Variants in DLG5 observed in about 807,000 individuals in gnomAD.
The protein encoded by DLG5 is disks large homolog 5.
Under a neutral mutation model 189.8 loss-of-function variants are expected in DLG5, and 48 were observed. The observed-to-expected ratio is 0.25, with a 90% CI of 0.20 to 0.32. The LOEUF (loss-of-function observed/expected upper bound fraction) is 0.32, where lower values mean the gene tolerates loss of function less well. Ranked by LOEUF, DLG5 falls within the 10% of genes least tolerant of loss-of-function variation. The pLI is 1.00. For missense variants in DLG5, 2,160 were observed against 2,544.7 expected, an observed-to-expected ratio of 0.85 and a Z score of 3.25; for synonymous variants, 1,016 against 1,054.1, an observed-to-expected ratio of 0.96 and a Z score of 0.70.
chr10:77,909,144 C>T (rs1846146676), intron 1 of DLG5, among the ~76,000 whole-genome samples: 1 of 152,150 alleles, frequency 6.6e-6, no homozygotes, highest in African/African-American at 2.4e-5. Context: ...GACAGATAAA[C>T]TCTTGTCAGA....
Position 77,807,955 on chromosome 10 carries a change from T to TG in DLG5, c.4648-12dup. On this transcript the variant is annotated splice_polypyrimidine_tract_variant and intron_variant, in intron 24 of 31. Transcript: ENST00000372391. ...GTCCAGGCTGCCATACTGCCAGGGA[T>TG]GGGGGTGGATGCATCAGAAGGCAGA... 6.2e-7 allele frequency: 1 copy of TG among 1,613,840 alleles called. No homozygotes were observed. Among genetic ancestry groups the TG allele is most frequent in the South Asian group, 1.1e-5 (1 of 91,050 alleles).
intron 13 of DLG5, among the ~76,000 whole-genome samples, chr10:77,826,129 GACCCAGCAA>G (rs1011910214): frequency 2.0e-5 from 3 of 152,248 alleles, no homozygotes; most frequent in African/African-American, 7.2e-5. Context: ...CATGTCCTCT[GACCCAGCAA>G]ACCCCACCCC....
intron 1 of DLG5, among the ~76,000 whole-genome samples, chr10:77,890,052 G>A (rs1284104784): frequency 1.3e-5 from 2 of 152,128 alleles, no homozygotes; most frequent in Non-Finnish European, 2.9e-5. Context: ...CACAACAAAT[G>A]TGGAAGGCAG....
intron 11 of DLG5, among the ~76,000 whole-genome samples, 172 bp from the exon 12 acceptor site, chr10:77,829,702 TAGAC>T (rs1257389530): frequency 6.6e-6 from 1 of 152,206 alleles, no homozygotes; most frequent in African/African-American, 2.4e-5. Flanking sequence ...ATGCTGAGGT[TAGAC>T]AGCCTGGGTT....
At chr10:77,910,469 G>GTAA in intron 1 of DLG5, among the ~76,000 whole-genome samples, 1 of 152,294 alleles carries the variant, frequency 6.6e-6, no homozygotes, top group South Asian at 2.1e-4. Flanking sequence ...CACCCTCACT[G>GTAA]TAAAGGCTGG....
chr10:77,890,193 A>T (rs1054173741), intron 1 of DLG5, among the ~76,000 whole-genome samples: 4 of 152,238 alleles, frequency 2.6e-5, no homozygotes, highest in Admixed American at 6.5e-5. Context: ...TTTACCAATG[A>T]GAACGGCAAG....
At position 77,796,439 on chromosome 10, in the gene DLG5, C is replaced by A. The variant is rs368300611; in HGVS notation, c.5308+12G>T. 2.4e-5 allele frequency: 38 copies of A among 1,614,024 alleles called. No individual in the cohort carries two copies. The highest frequency in any genetic ancestry group is 2.9e-5 in the Non-Finnish European group (34 of 1,180,008). ...AGCCCAGTAGGCACAGAGGGTGCCCCGTGCCCCTTACCAAGGGGACATCTG... is the reference window on the plus strand; with the variant it reads ...AGCCCAGTAGGCACAGAGGGTGCCCAGTGCCCCTTACCAAGGGGACATCTG... On this transcript the variant is annotated intron_variant, in intron 28 of 31. Transcript: ENST00000372391. The surrounding 1 kb of genome is among the most constrained non-coding windows in gnomAD (Gnocchi z 5.2).
At chr10:77,906,401 T>C (rs67538155) in intron 1 of DLG5, among the ~76,000 whole-genome samples, 12,835 of 152,182 alleles carry the variant, frequency 0.084, 741 homozygotes, top group East Asian at 0.21. Context: ...GGAAAAGCAC[T>C]TGTACCGTAA....
At chr10:77,924,302 G>A (rs1275655473) in intron 1 of DLG5, among the ~76,000 whole-genome samples, 1 of 152,116 alleles carries the variant, frequency 6.6e-6, no homozygotes, top group Admixed American at 6.6e-5. Flanking sequence ...ATGCCCTAGG[G>A]GATAAAATCC....
intron 1 of DLG5, among the ~76,000 whole-genome samples, chr10:77,909,204 C>T (rs1457816511): frequency 1.3e-5 from 2 of 152,156 alleles, no homozygotes; most frequent in Non-Finnish European, 2.9e-5. Context: ...GGAGAAGACA[C>T]TGTGACCAGC....
At chr10:77,924,797 G>A (rs1289721316) in intron 1 of DLG5, among the ~76,000 whole-genome samples, 1 of 151,986 alleles carries the variant, frequency 6.6e-6, no homozygotes, top group Non-Finnish European at 1.5e-5. Flanking sequence ...GAGACGGGAG[G>A]GCCACCAATG....
At chr10:77,923,890 A>C (rs1589287544) in intron 1 of DLG5, among the ~76,000 whole-genome samples, 1 of 152,040 alleles carries the variant, frequency 6.6e-6, no homozygotes, top group Non-Finnish European at 1.5e-5. Flanking sequence ...TTTGAGAAGG[A>C]GTCTTGCTCT....
chr10:77,834,606 G>A (rs1412823750), intron 8 of DLG5, among the ~76,000 whole-genome samples: 2 of 152,150 alleles, frequency 1.3e-5, no homozygotes, highest in Non-Finnish European at 2.9e-5. Flanking sequence ...CTCTATGAAA[G>A]AGGACCCCAA....
chr10:77,903,746 TGGGAA>T (rs1276295828), intron 1 of DLG5, among the ~76,000 whole-genome samples: 3 of 152,160 alleles, frequency 2.0e-5, no homozygotes, highest in Non-Finnish European at 4.4e-5. Context: ...ATTATGTATA[TGGGAA>T]TATTCCAAAA....
At chr10:77,898,731 C>G (rs1206739664) in intron 1 of DLG5, among the ~76,000 whole-genome samples, 1 of 152,238 alleles carries the variant, frequency 6.6e-6, no homozygotes, top group African/African-American at 2.4e-5. Flanking sequence ...CCCTCCATGG[C>G]CTGGCTCCTG....
At position 77,812,257 on chromosome 10, in the gene DLG5, G is replaced by T. The variant is rs568757709; in HGVS notation, c.4146C>A (p.Ile1382=). The change falls in exon 21 of 32, where the codon ATC becomes ATA. Residue 1382 remains isoleucine (I), a synonymous_variant. Coordinates refer to ENST00000372391, the MANE Select transcript of DLG5 (RefSeq NM_004747.4). ...CATACTCGAGGCCAGCCTGGTGAGC[G>T]ATGCTCCCCACGGTCACCTTGGAGA... ...IYVSKVTVGS[I]AHQAGLEYGD... 4 of 1,614,124 alleles carry T rather than the reference G, an allele frequency of 2.5e-6. No individual in the cohort carries two copies.
At chr10:77,826,451 C>A (rs1842644616) in intron 13 of DLG5, among the ~76,000 whole-genome samples, 1 of 151,782 alleles carries the variant, frequency 6.6e-6, no homozygotes, top group Admixed American at 6.6e-5. Flanking sequence ...CATGGTGAAA[C>A]CCCCATCTCT....
chr10:77,828,440 T>C (rs1042558229), intron 13 of DLG5, among the ~76,000 whole-genome samples: 1 of 140,762 alleles, frequency 7.1e-6, no homozygotes, highest in East Asian at 2.2e-4. Flanking sequence ...TGAGCCGGGA[T>C]TGCGCCACTG....
intron 2 of DLG5, among the ~76,000 whole-genome samples, chr10:77,865,454 T>C (rs966509617): frequency 1.3e-5 from 2 of 152,170 alleles, no homozygotes; most frequent in African/African-American, 4.8e-5. Context: ...CAATTTCTCC[T>C]GCCGATAAGC....
Sources: allele counts gnomAD v4.1 joint callset (sites outside exome capture counted in the v4.1 genomes callset), GRCh38; gene constraint gnomAD v4.1.1; non-coding constraint Gnocchi (gnomAD v3.1); transcripts MANE v1.5; gene names NCBI Gene and HGNC (gene_info 2026-07-23, HGNC 2026-07-21).